Variants in UBQLN1 observed in about 807,000 individuals in gnomAD.
The protein encoded by UBQLN1 is ubiquilin 1.
UBQLN1 carries 13 observed loss-of-function variants against 65.4 expected under a neutral mutation model. The ratio of observed to expected loss-of-function variants is 0.20; its 90% CI spans 0.13 to 0.32. The LOEUF is 0.32. Ranked by LOEUF, UBQLN1 falls within the 10% of genes least tolerant of loss-of-function variation. UBQLN1 has a pLI of 1.00. For missense variants in UBQLN1, 561 were observed against 724.0 expected (o/e 0.77, Z 2.58); for synonymous variants, 267 against 247.8 (o/e 1.08, Z -0.73).
chr9:83,702,677 G>A (rs1221496223), intron 1 of UBQLN1, among the ~76,000 whole-genome samples: 1 of 152,104 alleles, frequency 6.6e-6, no homozygotes, highest in African/African-American at 2.4e-5. Flanking sequence ...TTCAAAATCT[G>A]GTATAAATTT....
chr9:83,670,383 T>G (rs1226128476), intron 6 of UBQLN1, among the ~76,000 whole-genome samples: 1 of 147,246 alleles, frequency 6.8e-6, no homozygotes, highest in African/African-American at 2.6e-5. Context: ...TTTAACTTAG[T>G]TTTTTTTTCA....
At chr9:83,667,693 C>G (rs1469510098) in intron 7 of UBQLN1, 1 of 985,000 alleles carries the variant, frequency 1.0e-6, no homozygotes, top group Non-Finnish European at 1.2e-6. Flanking sequence ...AGCATGTCAT[C>G]TTAAACGTAT....
At position 83,707,524 on chromosome 9, in the gene UBQLN1, C is replaced by T; in HGVS notation, c.156G>A (p.Val52=). 1 of 1,610,990 alleles carries T rather than the reference C, an allele frequency of 6.2e-7. No homozygotes were observed. The highest frequency in any genetic ancestry group is 8.5e-7 in the Non-Finnish European group (1 of 1,178,688). Residue 52 remains valine, a synonymous_variant, in exon 1 of 11, where the codon GTG becomes GTA. Coordinates refer to ENST00000376395, the MANE Select transcript of UBQLN1 (RefSeq NM_013438.5). ...CCTGCTGGACGGAGCTATTCTCGGGCACGGCGAATTCCTCCTTTTCCTTCG... is the reference window on the plus strand; with the variant it reads ...CCTGCTGGACGGAGCTATTCTCGGGTACGGCGAATTCCTCCTTTTCCTTCG... ...KTPKEKEEFA[V]PENSSVQQFK...
At chr9:83,673,308 GCA>G (rs1226250747) in intron 6 of UBQLN1, among the ~76,000 whole-genome samples, 1 of 150,920 alleles carries the variant, frequency 6.6e-6, no homozygotes, top group Non-Finnish European at 1.5e-5. Flanking sequence ...GGAGGCCAAG[GCA>G]GACAGATCAC....
chr9:83,661,617 AT>A lies in UBQLN1; in HGVS notation c.*169del, dbSNP rs33950155. On this transcript the variant is annotated 3_prime_UTR_variant, in exon 11 of 11. Transcript: ENST00000376395. ...ATTCCCACTGTTCCAGAAAAGAAAA[AT>A]ACAGAAAAACCCACACATCTTACTG... is the stretch of plus-strand genomic sequence containing the variant. 113,209 of 611,336 alleles carry A rather than the reference AT, an allele frequency of 0.19. 11,648 individuals are homozygous for A. The highest frequency in any genetic ancestry group is 0.27 in the Middle Eastern group (567 of 2,070). The allele number at this position is 611,336 out of a possible 1,614,324, so 37.9% of individuals were successfully genotyped here. A position where few individuals can be genotyped will look rare whatever the true frequency, so the allele number is the denominator to read the frequency against.
At chr9:83,685,670 T>C (rs1341207951) in intron 2 of UBQLN1, among the ~76,000 whole-genome samples, 1 of 151,586 alleles carries the variant, frequency 6.6e-6, no homozygotes, top group African/African-American at 2.4e-5. Flanking sequence ...TATCAATTCG[T>C]GGTTTGCTAA....
At chr9:83,667,731 TAC>T in intron 7 of UBQLN1, 1 of 978,742 alleles carries the variant, frequency 1.0e-6, no homozygotes, top group Middle Eastern at 5.3e-4. Context: ...TCTTATTAGA[TAC>T]TTCTTATAAC....
chr9:83,692,759 G>A (rs868608257), intron 1 of UBQLN1, among the ~76,000 whole-genome samples: 4 of 152,194 alleles, frequency 2.6e-5, no homozygotes, highest in Admixed American at 2.0e-4. Context: ...GGCTGGGGCA[G>A]GAGAATCGCT....
chr9:83,688,052 A>G (rs987454880), intron 1 of UBQLN1, among the ~76,000 whole-genome samples: 1 of 152,102 alleles, frequency 6.6e-6, no homozygotes, highest in Non-Finnish European at 1.5e-5. Flanking sequence ...ATTTAACTAT[A>G]CTCCCATTAT....
At chr9:83,695,947 A>T (rs11791379) in intron 1 of UBQLN1, among the ~76,000 whole-genome samples, 19,759 of 149,884 alleles carry the variant, frequency 0.13, 1,599 homozygotes, top group Middle Eastern at 0.26. Flanking sequence ...TTTCAAATTA[A>T]TTTTTTTTTT....
chr9:83,675,760 A>AT (rs1371558576), intron 6 of UBQLN1, among the ~76,000 whole-genome samples: 1 of 152,198 alleles, frequency 6.6e-6, no homozygotes, highest in Non-Finnish European at 1.5e-5. Context: ...ATGAGTACGT[A>AT]TTTTGAATAA....
chr9:83,677,070 AT>A (rs1326675031), intron 6 of UBQLN1, among the ~76,000 whole-genome samples: 2 of 152,182 alleles, frequency 1.3e-5, no homozygotes, highest in Non-Finnish European at 2.9e-5. Context: ...TGGGAATCTG[AT>A]TTTTAATAAA....
At chr9:83,662,271 T>TACACACACACACAC (rs545130983) in intron 10 of UBQLN1, among the ~76,000 whole-genome samples, 1 of 102,252 alleles carries the variant, frequency 9.8e-6, no homozygotes, top group Non-Finnish European at 2.0e-5. Flanking sequence ...TACATATACA[T>TACACACACACACAC]ATACACACAC....
intron 6 of UBQLN1, among the ~76,000 whole-genome samples, chr9:83,674,009 G>A (rs1179953158): frequency 6.6e-6 from 1 of 152,004 alleles, no homozygotes; most frequent in Admixed American, 6.6e-5. Context: ...ATGTTGGCTA[G>A]GCTGGTCTCA....
chr9:83,675,339 T>C (rs1223596979), intron 6 of UBQLN1, among the ~76,000 whole-genome samples: 2 of 152,342 alleles, frequency 1.3e-5, no homozygotes, highest in African/African-American at 4.8e-5. Context: ...GTAATGCTTA[T>C]GCATGAATTC....
intron 1 of UBQLN1, among the ~76,000 whole-genome samples, chr9:83,696,149 A>G (rs1289399103): frequency 6.6e-6 from 1 of 152,206 alleles, no homozygotes; most frequent in Non-Finnish European, 1.5e-5. Flanking sequence ...CATGTTGGCC[A>G]GGACGGTCTC....
intron 1 of UBQLN1, among the ~76,000 whole-genome samples, chr9:83,705,303 C>CAATCTCGG (rs1368317482): frequency 7.1e-6 from 1 of 140,776 alleles, no homozygotes; most frequent in Non-Finnish European, 1.5e-5. Context: ...TGCAATGTCG[C>CAATCTCGG]AATCTCGGCT....
intron 1 of UBQLN1, among the ~76,000 whole-genome samples, chr9:83,701,451 T>G (rs1039060397): frequency 6.6e-6 from 1 of 152,068 alleles, no homozygotes; most frequent in Non-Finnish European, 1.5e-5. Context: ...ACTATGAAAA[T>G]AGTTTCATCT....
Position 83,679,855 on chromosome 9 carries a change from C to A in UBQLN1, c.631G>T (p.Ala211Ser). ...NPDLMRQLIM[A>S]NPQMQQLIQR... ...ATCAACTGCTGCATTTGTGGATTGG[C>A]CATAATTAACTGTCTCATCAGGTCA... is the stretch of plus-strand genomic sequence containing the variant. The change falls in exon 4 of 11, where the codon GCC becomes TCC. Residue 211 changes from alanine (A) to serine (S), a missense_variant. By Grantham distance (99) the Ala-to-Ser change is moderately conservative. Coordinates refer to ENST00000376395, the MANE Select transcript of UBQLN1 (RefSeq NM_013438.5). The A allele has an allele frequency of 2.5e-6, 4 of 1,614,088 alleles. No individual in the cohort carries two copies. In the South Asian group the frequency reaches 3.3e-5, roughly 13 times the overall value.
Sources: gnomAD v4.1 joint callset for allele counts (sites outside exome capture counted in the v4.1 genomes callset) on GRCh38, gnomAD v4.1.1 for gene constraint, MANE v1.5 for transcripts, NCBI Gene and HGNC (gene_info 2026-07-23, HGNC 2026-07-21) for gene names.